Variants in TMEM132B observed in about 807,000 individuals in gnomAD.
The protein encoded by TMEM132B is transmembrane protein 132B.
TMEM132B carries 18 observed loss-of-function variants against 90.8 expected under a neutral mutation model. That is an observed-to-expected ratio of 0.20 (90% CI 0.14 to 0.29). The LOEUF is 0.29. TMEM132B is among the 10% of genes least tolerant of loss of function. TMEM132B has a pLI of 1.00. For missense variants in TMEM132B, 1,096 were observed against 1,326.8 expected (o/e 0.83, Z 2.70); for synonymous variants, 504 against 523.3 (o/e 0.96, Z 0.50).
At chr12:125,295,888 C>T (rs1875660681) in intron 1 of TMEM132B, among the ~76,000 whole-genome samples, 1 of 152,226 alleles carries the variant, frequency 6.6e-6, no homozygotes, top group South Asian at 2.1e-4. Context: ...CGGCACTTAG[C>T]ACTGTGGCGA....
At position 125,653,702 on chromosome 12, in the gene TMEM132B, C is replaced by G; in HGVS notation, c.2244C>G (p.Ser748=). ...TGTCTGTCCAGGCAAACCTTGAGTC[C>G]AAATGGCCAATTGTGGTTGCAGAGG... is the stretch of plus-strand genomic sequence containing the variant. ...MVVSVQANLE[S]KWPIVVAEGE... is the part of the protein sequence containing the mutation. The change falls in exon 9 of 9, where the codon TCC becomes TCG. Residue 748 remains serine (S), a synonymous_variant. Transcript: ENST00000682704. The G allele has an allele frequency of 6.2e-7, 1 of 1,614,130 alleles. No individual in the cohort carries two copies. The highest frequency in any genetic ancestry group is 8.5e-7 in the Non-Finnish European group (1 of 1,180,036).
chr12:125,275,690 T>C lies in TMEM132B; in HGVS notation c.68-73762T>C, dbSNP rs530195832. Among the ~76,000 whole-genome samples the C allele has an allele frequency of 6.6e-5, 10 of 152,324 alleles. No individual in the cohort carries two copies. The South Asian group carries it at 1.9e-3, about 28-fold the overall frequency. On this transcript the variant is annotated intron_variant, in intron 1 of 8. Transcript: ENST00000682704. ...TTTGGAGATTATTGTAATTTTGTTA[T>C]CTTGCATCCTTGGAAACCTTTGGCT...
Position 125,416,439 on chromosome 12 carries a change from C to T in TMEM132B, c.1106+762C>T, listed in dbSNP as rs185486643. Reference sequence around the variant, plus strand: ...GGCTCGGACTCCTCAGCTGAGCACACGAGCCCCTTCCGAGTTTGTTGCTTA... The same window carrying T: ...GGCTCGGACTCCTCAGCTGAGCACATGAGCCCCTTCCGAGTTTGTTGCTTA... On this transcript the variant is annotated intron_variant, in intron 3 of 8. Coordinates refer to ENST00000682704, the MANE Select transcript of TMEM132B (RefSeq NM_001366854.1). 3.9e-5 allele frequency among the ~76,000 whole-genome samples: 6 copies of T among 152,368 alleles called. No individual in the cohort carries two copies. The East Asian group carries it at 5.8e-4, about 15-fold the overall frequency.
chr12:125,331,957 A>G (rs1876789330), intron 1 of TMEM132B, among the ~76,000 whole-genome samples: 1 of 151,956 alleles, frequency 6.6e-6, no homozygotes, highest in Non-Finnish European at 1.5e-5. Context: ...CTGAGGTCTC[A>G]CTTGTTGCCC....
intron 5 of TMEM132B, among the ~76,000 whole-genome samples, chr12:125,611,076 G>C (rs978602673): frequency 6.6e-6 from 1 of 151,946 alleles, no homozygotes; most frequent in Non-Finnish European, 1.5e-5. Flanking sequence ...CTGTTTACTT[G>C]TCATAGGCCT....
chr12:125,488,804 C>T (rs569368870), intron 3 of TMEM132B, among the ~76,000 whole-genome samples: 1 of 152,196 alleles, frequency 6.6e-6, no homozygotes, highest in African/African-American at 2.4e-5. Flanking sequence ...TTAGCCCACT[C>T]GTGTACCTAT....
At chr12:125,188,852 C>CAAAAAAAA (rs72059024) in intron 1 of TMEM132B, among the ~76,000 whole-genome samples, 19 of 91,144 alleles carry the variant, frequency 2.1e-4, no homozygotes, top group Middle Eastern at 6.3e-3. Context: ...GGAGGGATGG[C>CAAAAAAAA]AAAAAAAAAA....
rs1015396925 is a variant in TMEM132B at position 125,277,624 on chromosome 12, A to G, written c.68-71828A>G. ...AACACCAAGGGTTTCCAGCGACCCC[A>G]GAGGCAAAGAGAAAGGCGTAGAACC... On this transcript the variant is annotated intron_variant, in intron 1 of 8. Coordinates refer to ENST00000682704, the MANE Select transcript of TMEM132B (RefSeq NM_001366854.1). This position sits in a 1 kb window ranked among gnomAD's most constrained non-coding sequence, Gnocchi z 4.3. 1.2e-4 allele frequency among the ~76,000 whole-genome samples: 19 copies of G among 152,088 alleles called. No homozygotes were observed. The highest frequency in any genetic ancestry group is 3.1e-4 in the African/African-American group (13 of 41,384).
intron 1 of TMEM132B, among the ~76,000 whole-genome samples, chr12:125,208,122 A>C (rs1354241837): frequency 1.3e-5 from 2 of 152,322 alleles, no homozygotes; most frequent in Admixed American, 6.5e-5. Flanking sequence ...AGGTACACAG[A>C]TCACACAGAG....
At chr12:125,622,444 G>C (rs1466946670) in intron 5 of TMEM132B, 30 of 985,170 alleles carry the variant, frequency 3.0e-5, no homozygotes, top group Non-Finnish European at 3.5e-5. Context: ...CACAGAAGTA[G>C]AACTTTCATA....
At chr12:125,410,637 G>T in intron 2 of TMEM132B, among the ~76,000 whole-genome samples, 1 of 6,572 alleles carries the variant, frequency 1.5e-4, no homozygotes, top group Admixed American at 8.6e-4. Flanking sequence ...GTGGAGTGGA[G>T]TGAGTGGAGT....
chr12:125,626,548 T>C (rs1011556243), intron 5 of TMEM132B, among the ~76,000 whole-genome samples: 5 of 152,210 alleles, frequency 3.3e-5, no homozygotes, highest in African/African-American at 1.2e-4. Context: ...TCATTTTTGA[T>C]AGATTTTTTT....
intron 1 of TMEM132B, among the ~76,000 whole-genome samples, chr12:125,331,785 G>A (rs868677877): frequency 3.3e-5 from 5 of 152,228 alleles, no homozygotes; most frequent in African/African-American, 1.2e-4. Flanking sequence ...ATGCGGTGTT[G>A]CTCTGTCGCC....
intron 1 of TMEM132B, among the ~76,000 whole-genome samples, chr12:125,233,917 G>C (rs1051614619): frequency 6.6e-5 from 10 of 152,198 alleles, no homozygotes; most frequent in Middle Eastern, 3.2e-3. Flanking sequence ...CGTTTCATGA[G>C]CGCTTGTGGT....
At chr12:125,504,964 C>G (rs944004635) in intron 3 of TMEM132B, among the ~76,000 whole-genome samples, 2 of 151,828 alleles carry the variant, frequency 1.3e-5, no homozygotes, top group African/African-American at 4.8e-5. Flanking sequence ...TATGGCTGAC[C>G]CTGGAATCGC....
chr12:125,314,149 G>A (rs1253529534), intron 1 of TMEM132B, among the ~76,000 whole-genome samples: 1 of 152,178 alleles, frequency 6.6e-6, no homozygotes. Flanking sequence ...ACTTGATTAC[G>A]TTTTGTTTCT....
intron 2 of TMEM132B, among the ~76,000 whole-genome samples, chr12:125,410,941 TGGA>T (rs1291903768): frequency 4.8e-4 from 2 of 4,132 alleles, no homozygotes; most frequent in Non-Finnish European, 4.3e-4. Context: ...GTGAGTGGAG[TGGA>T]GGAGTGGAGT....
chr12:125,201,075 AT>A (rs67062167), intron 1 of TMEM132B, among the ~76,000 whole-genome samples: 5 of 151,424 alleles, frequency 3.3e-5, no homozygotes, highest in South Asian at 2.1e-4. Flanking sequence ...TATTTCTTTG[AT>A]TTTTTTTTCT....
chr12:125,247,301 T>A (rs193295606), intron 1 of TMEM132B, among the ~76,000 whole-genome samples: 1 of 152,212 alleles, frequency 6.6e-6, no homozygotes, highest in Admixed American at 6.5e-5. Context: ...TGCTTTTAGT[T>A]TGATGGCAAC....
Sources: allele counts gnomAD v4.1 joint callset (sites outside exome capture counted in the v4.1 genomes callset), GRCh38; gene constraint gnomAD v4.1.1; non-coding constraint Gnocchi (gnomAD v3.1); transcripts MANE v1.5; gene names NCBI Gene and HGNC (gene_info 2026-07-23, HGNC 2026-07-21).